FAM193B: variants seen among roughly 807,000 people sequenced by gnomAD.
The protein encoded by FAM193B is protein FAM193B.
FAM193B carries 27 observed loss-of-function variants against 70.7 expected under a neutral mutation model. The observed-to-expected ratio is 0.38, with a 90% CI of 0.28 to 0.53. The LOEUF is 0.53. Among genes scored for constraint, FAM193B ranks in the 20% least tolerant of loss-of-function variants. The pLI, the probability that FAM193B is intolerant of heterozygous loss-of-function variation, is 0.81. For missense variants in FAM193B, 1,022 were observed against 1,072.5 expected (o/e 0.95, Z 0.66); for synonymous variants, 448 against 436.0 (o/e 1.03, Z -0.34).
chr5:177,539,177 A>G, intron 1 of FAM193B, 30 bp from the exon 2 acceptor site: 1 of 1,518,018 alleles, frequency 6.6e-7, no homozygotes, highest in Non-Finnish European at 8.8e-7. Flanking sequence ...AGGGTTTCCC[A>G]GGAGGGGAAA....
intron 1 of FAM193B, among the ~76,000 whole-genome samples, chr5:177,544,719 T>C (rs1765212064): frequency 6.6e-6 from 1 of 152,228 alleles, no homozygotes; most frequent in African/African-American, 2.4e-5. Flanking sequence ...ATTTGGAAGA[T>C]GTGCAAAATC....
chr5:177,549,482 C>G (rs537431030), intron 1 of FAM193B, among the ~76,000 whole-genome samples: 1 of 152,140 alleles, frequency 6.6e-6, no homozygotes, highest in African/African-American at 2.4e-5. Context: ...CATGAGCCAC[C>G]GCGCCCAGCC....
At position 177,532,146 on chromosome 5, in the gene FAM193B, G is replaced by A. The variant is rs949349538; in HGVS notation, c.1275+297C>T. 6.5e-6 allele frequency: 9 copies of A among 1,394,564 alleles called. No individual in the cohort carries two copies. In the African/African-American group the frequency reaches 7.2e-5, roughly 11 times the overall value. 86.4% of individuals were successfully genotyped at this position (1,394,564 alleles called of 1,614,324 possible). A position where few individuals can be genotyped will look rare whatever the true frequency, so the allele number is the denominator to read the frequency against. ...CGTTCACTTCTCTGGGATTACACACGTATACATACTCATCAGAATCATAGC... is the reference window on the plus strand; with the variant it reads ...CGTTCACTTCTCTGGGATTACACACATATACATACTCATCAGAATCATAGC... On this transcript the variant is annotated intron_variant, in intron 5 of 8. Coordinates refer to ENST00000514747, the MANE Select transcript of FAM193B (RefSeq NM_001190946.3). This position sits in a 1 kb window ranked among gnomAD's most constrained non-coding sequence, Gnocchi z 4.9.
Position 177,524,831 on chromosome 5 carries a change from T to C in FAM193B, c.1650A>G (p.Pro550=). The change falls in exon 6 of 9, where the codon CCA becomes CCG. Residue 550 remains proline, a synonymous_variant. Transcript: ENST00000514747. ...CTGCCCATGGTGGGGCTGGCTCGCC[T>C]GGAGCTTGTAACGTGTGGTTCTGAG... ...GSPQNHTLQA[P]GEPAPPWAEM... 1 of 1,511,620 alleles carries C rather than the reference T, an allele frequency of 6.6e-7. No individual in the cohort carries two copies. The allele number at this position is 1,511,620 out of a possible 1,614,324, so 93.6% of individuals were successfully genotyped here. A position where few individuals can be genotyped will look rare whatever the true frequency, so the allele number is the denominator to read the frequency against.
chr5:177,533,925 A>G (rs749244521), intron 4 of FAM193B, among the ~76,000 whole-genome samples: 4 of 152,334 alleles, frequency 2.6e-5, no homozygotes, highest in South Asian at 4.1e-4. Flanking sequence ...AAGCACTGGG[A>G]TATCTTGTAA....
intron 7 of FAM193B, among the ~76,000 whole-genome samples, chr5:177,522,710 T>A (rs1352783184): frequency 6.6e-6 from 1 of 152,136 alleles, no homozygotes; most frequent in Non-Finnish European, 1.5e-5. Flanking sequence ...ATGTAGTTAT[T>A]ATATTTTTAT....
chr5:177,542,999 T>G (rs1002022476), intron 1 of FAM193B, among the ~76,000 whole-genome samples: 1 of 152,184 alleles, frequency 6.6e-6, no homozygotes, highest in African/African-American at 2.4e-5. Flanking sequence ...AGACACTGCT[T>G]GAAATTACTG....
In FAM193B at chr5:177,538,629, G is replaced by A. The variant is rs190920786; in HGVS notation, c.453+276C>T. On this transcript the variant is annotated intron_variant, in intron 2 of 8. Coordinates refer to ENST00000514747, the MANE Select transcript of FAM193B (RefSeq NM_001190946.3). The surrounding 1 kb of genome is among the most constrained non-coding windows in gnomAD (Gnocchi z 4.1). ...TTGGCTTTCAAGCTGCCACAGAGCC[G>A]AAGGCAGCAGGCTCGTGATCTACCA... is the stretch of plus-strand genomic sequence containing the variant. Among the ~76,000 whole-genome samples, 143 of 152,302 alleles carry A rather than the reference G, an allele frequency of 9.4e-4. 1 individual carries two copies. The highest frequency in any genetic ancestry group is 5.6e-3 in the Admixed American group (85 of 15,302).
chr5:177,547,307 C>T (rs1278687614), intron 1 of FAM193B: 1 of 1,244 alleles, frequency 8.0e-4, no homozygotes, highest in Non-Finnish European at 4.2e-3. Context: ...TTTTTTGAGA[C>T]GGAGTTTCGC....
At chr5:177,542,263 C>T (rs1250137335) in intron 1 of FAM193B, among the ~76,000 whole-genome samples, 1 of 152,222 alleles carries the variant, frequency 6.6e-6, no homozygotes, top group East Asian at 1.9e-4. Flanking sequence ...GGCATTAATC[C>T]TGGCCTCTAT....
rs773801582 is a variant in FAM193B, at chr5:177,524,009, T to C, written c.2320A>G (p.Met774Val). The change falls in exon 7 of 9, where the codon ATG (methionine) becomes GTG (valine). Residue 774 changes from methionine (M) to valine (V), a missense_variant. Met to Val is a conservative substitution (Grantham distance 21). Transcript: ENST00000514747. Reference protein sequence around the residue: ...SLDDVFLPKDMDGVEMDETDR... With the variant: ...SLDDVFLPKDVDGVEMDETDR... ...GTCTCATCCATCTCCACCCCGTCCA[T>C]GTCCTTGGGCAGGAACACATCGTCT... 8 of 1,613,938 alleles carry C rather than the reference T, an allele frequency of 5.0e-6. No homozygotes were observed. The highest frequency in any genetic ancestry group is 2.2e-5 in the East Asian group (1 of 44,894).
chr5:177,547,431 C>T (rs1039020461), intron 1 of FAM193B, among the ~76,000 whole-genome samples: 7 of 150,448 alleles, frequency 4.7e-5, no homozygotes, highest in Non-Finnish European at 7.4e-5. Context: ...ACTACAGGCA[C>T]GCGCCACCAT....
chr5:177,551,522 C>T (rs1442968203), intron 1 of FAM193B, among the ~76,000 whole-genome samples: 1 of 152,098 alleles, frequency 6.6e-6, no homozygotes, highest in East Asian at 1.9e-4. Flanking sequence ...TCTAAAAGGG[C>T]CAAATGCTAC....
At chr5:177,552,118 TTC>T (rs1223980571) in intron 1 of FAM193B, 8 of 955,902 alleles carry the variant, frequency 8.4e-6, no homozygotes, top group Non-Finnish European at 1.0e-5. Context: ...TGCTCTGAGT[TTC>T]TGTTTCTTCA....
At chr5:177,534,864 T>C (rs1305202253) in intron 4 of FAM193B, among the ~76,000 whole-genome samples, 1 of 152,176 alleles carries the variant, frequency 6.6e-6, no homozygotes, top group African/African-American at 2.4e-5. Flanking sequence ...GCAATCTTTC[T>C]GCCTCGGCCT....
chr5:177,537,894 C>T lies in FAM193B; in HGVS notation c.667G>A (p.Gly223Arg), dbSNP rs1283892687. The change falls in exon 3 of 9, where the codon GGG (glycine) becomes AGG (arginine). Residue 223 changes from glycine to arginine, a missense_variant. Physicochemically the swap from Gly to Arg is moderately radical, Grantham distance 125. Transcript: ENST00000514747. ...TCACCGGGGATGGTAGGAGGACTCC[C>T]AAGAGAGCTGCCTGGCATGGCCCCA... ...SSGAMPGSSL[G>R]SPPTIPGEAF... is the part of the protein sequence containing the mutation. 1 of 1,607,528 alleles carries T rather than the reference C, an allele frequency of 6.2e-7. No individual in the cohort carries two copies. The highest frequency in any genetic ancestry group is 8.5e-7 in the Non-Finnish European group (1 of 1,177,112).
At chr5:177,531,721 C>G (rs1763492889) in intron 5 of FAM193B, 1 of 615,112 alleles carries the variant, frequency 1.6e-6, no homozygotes, top group East Asian at 6.9e-5. Context: ...GGGAACAGGG[C>G]AGAGCTGGGC....
chr5:177,550,010 C>G (rs922136693), intron 1 of FAM193B, among the ~76,000 whole-genome samples: 1 of 152,046 alleles, frequency 6.6e-6, no homozygotes, highest in African/African-American at 2.4e-5. Context: ...CATCTGATAT[C>G]AAAAATTAAA....
chr5:177,538,052 G>T lies in FAM193B; in HGVS notation c.509C>A (p.Ser170Ter). 1 of 1,552,686 alleles carries T rather than the reference G, an allele frequency of 6.4e-7. No homozygotes were observed. Among genetic ancestry groups the T allele is most frequent in the Non-Finnish European group, 8.7e-7 (1 of 1,147,386 alleles). ...KSQSCGDDSH[S>*]SSSSSSSSSS... Reference sequence around the variant, plus strand: ...GGATGATGAGGAGGAAGACGAGGACGAATGAGAGTCATCTCCACAAGACTG... The same window carrying T: ...GGATGATGAGGAGGAAGACGAGGACTAATGAGAGTCATCTCCACAAGACTG... The change falls in exon 3 of 9, where the codon TCG becomes TAG. Residue 170 changes from serine (S) to a stop codon, truncating the protein, a stop_gained. Coordinates refer to ENST00000514747, the MANE Select transcript of FAM193B (RefSeq NM_001190946.3). LOFTEE classifies it high-confidence loss of function. This position sits in a 1 kb window ranked among gnomAD's most constrained non-coding sequence, Gnocchi z 4.1.
Sources: gnomAD v4.1 joint callset for allele counts (sites outside exome capture counted in the v4.1 genomes callset) on GRCh38, gnomAD v4.1.1 for gene constraint, Gnocchi (gnomAD v3.1) non-coding constraint, MANE v1.5 for transcripts, NCBI Gene and HGNC (gene_info 2026-07-23, HGNC 2026-07-21) for gene names.